HSD17B11: variants seen among roughly 807,000 people sequenced by gnomAD.
The protein encoded by HSD17B11 is estradiol 17-beta-dehydrogenase 11.
A neutral mutation model predicts 27.8 loss-of-function variants in HSD17B11; 22 were observed. The observed-to-expected ratio is 0.79, with a 90% CI of 0.56 to 1.13. The LOEUF (loss-of-function observed/expected upper bound fraction) is 1.13. Among genes scored for constraint, HSD17B11 ranks in the 50% most tolerant of loss-of-function variants. The pLI is 0.00. For missense variants in HSD17B11, 314 were observed against 351.1 expected (o/e 0.89, Z 0.84); for synonymous variants, 117 against 132.8 (o/e 0.88, Z 0.82).
chr4:87,366,263 T>G (rs1204678484), intron 4 of HSD17B11, among the ~76,000 whole-genome samples: 1 of 152,192 alleles, frequency 6.6e-6, no homozygotes, highest in Admixed American at 6.5e-5. Flanking sequence ...AACATTGGAA[T>G]AAAAGCACAA....
At chr4:87,354,546 A>T (rs1735344761) in intron 5 of HSD17B11, among the ~76,000 whole-genome samples, 1 of 151,072 alleles carries the variant, frequency 6.6e-6, no homozygotes. Flanking sequence ...GGGGAGGCTG[A>T]TGTGGGAGAA....
At chr4:87,338,204 G>A (rs1402868256) in intron 6 of HSD17B11, among the ~76,000 whole-genome samples, 5 of 151,852 alleles carry the variant, frequency 3.3e-5, no homozygotes, top group African/African-American at 9.7e-5. Context: ...GCGACAGAGC[G>A]AGACTCCGTC....
rs1560769033 is a variant in HSD17B11 at position 87,378,844 on chromosome 4, AAAT to A, written c.318+3408_318+3410del. Among the ~76,000 whole-genome samples, 166 of 24,824 alleles carry A rather than the reference AAAT, an allele frequency of 6.7e-3. 43 individuals are homozygous for A. Among genetic ancestry groups the A allele is most frequent in the African/African-American group, 0.032 (160 of 4,982 alleles). The allele number at this position is 24,824 out of a possible 152,430, so 16.3% of individuals were successfully genotyped here. The stretch of plus-strand genomic sequence containing the variant: ...AATATATATATAAATATATATATAT[AAAT>A]ATATATATAAATATATATAAATATA... On this transcript the variant is annotated intron_variant, in intron 2 of 6. Transcript: ENST00000358290.
chr4:87,372,884 T>G, intron 3 of HSD17B11, 69 bp from the exon 4 acceptor site: 1 of 949,464 alleles, frequency 1.1e-6, no homozygotes, highest in South Asian at 1.5e-5. Flanking sequence ...TGGGAATATT[T>G]TGAAACAAAA....
chr4:87,340,222 T>C (rs11934060), intron 6 of HSD17B11: 10,132 of 209,994 alleles, frequency 0.048, 1,030 homozygotes, highest in African/African-American at 0.22. Context: ...AAACTATCCT[T>C]CTTCAGAGTC....
At chr4:87,371,940 G>A (rs756932991) in intron 4 of HSD17B11, among the ~76,000 whole-genome samples, 10 of 152,024 alleles carry the variant, frequency 6.6e-5, no homozygotes, top group Non-Finnish European at 8.8e-5. Context: ...CCCTTGTGTG[G>A]TTTCTTAAAA....
At chr4:87,365,930 C>T (rs1449501361) in intron 4 of HSD17B11, 4 of 152,002 alleles carry the variant, frequency 2.6e-5, no homozygotes, top group African/African-American at 9.7e-5. Context: ...GATCTTGACT[C>T]ACCGCAACCT....
intron 6 of HSD17B11, among the ~76,000 whole-genome samples, chr4:87,337,680 C>T (rs1451688477): frequency 6.6e-6 from 1 of 152,098 alleles, no homozygotes; most frequent in Non-Finnish European, 1.5e-5. Flanking sequence ...AGAAACCCGA[C>T]ATTAAAAAGG....
chr4:87,372,769 T>C lies in HSD17B11; in HGVS notation c.497A>G (p.His166Arg). ...AGCTGCCGAAGCCACAGTGACAATA[T>C]GGCCATGGTTATTCTTCGTCATTGC... The part of the protein sequence containing the change: ...LPAMTKNNHG[H>R]IVTVASAAGH... The change falls in exon 4 of 7, where the codon CAT becomes CGT. Residue 166 changes from histidine to arginine, a missense_variant. Transcript: ENST00000358290. 6.2e-7 allele frequency: 1 copy of C among 1,613,982 alleles called. No homozygotes were observed. The highest frequency in any genetic ancestry group is 8.5e-7 in the Non-Finnish European group (1 of 1,179,850).
chr4:87,390,896 GT>G lies in HSD17B11; in HGVS notation c.174del (p.Lys58AsnfsTer11), dbSNP rs778513830. On this transcript the variant is annotated frameshift_variant, in exon 1 of 7. Transcript: ENST00000358290. LOFTEE classifies it high-confidence loss of function. ...IGRLTAYEFA[K>X]LKSKLVLWDI... ...TCCCAGAGAACCAGCTTGCTTTTAA[GT>G]TTAGCAAATTCATAGGCAGTCAGTC... The G allele has an allele frequency of 1.2e-6, 2 of 1,614,154 alleles. No homozygotes were observed. The highest frequency in any genetic ancestry group is 1.7e-6 in the Non-Finnish European group (2 of 1,180,010).
In HSD17B11 at chr4:87,378,843, TAAATATATATATAAATATATATAA is replaced by T. The variant is rs1720004949; in HGVS notation, c.318+3388_318+3411del. On this transcript the variant is annotated intron_variant, in intron 2 of 6. Coordinates refer to ENST00000358290, the MANE Select transcript of HSD17B11 (RefSeq NM_016245.5). The stretch of plus-strand genomic sequence containing the variant: ...AAATATATATATAAATATATATATA[TAAATATATATATAAATATATATAA>T]ATATATATATATAAATATATATATA... Among the ~76,000 whole-genome samples the T allele has an allele frequency of 1.0e-4, 3 of 29,140 alleles. 1 individual carries two copies. Among genetic ancestry groups the T allele is most frequent in the African/African-American group, 4.9e-4 (3 of 6,162 alleles). 19.1% of individuals were successfully genotyped at this position (29,140 alleles called of 152,430 possible).
At position 87,390,848 on chromosome 4, in the gene HSD17B11, T is replaced by A; in HGVS notation, c.210+13A>T. The A allele has an allele frequency of 1.9e-6, 3 of 1,610,688 alleles. No homozygotes were observed. In the South Asian group the frequency reaches 3.3e-5, roughly 18 times the overall value. ...AAAGGTACCAGAAAGTAAAACATAG[T>A]AAACACTGTTACCTTATTTATATCC... On this transcript the variant is annotated intron_variant, in intron 1 of 6. Transcript: ENST00000358290.
At chr4:87,363,763 T>C (rs911885747) in intron 4 of HSD17B11, among the ~76,000 whole-genome samples, 4 of 152,224 alleles carry the variant, frequency 2.6e-5, no homozygotes, top group East Asian at 1.9e-4. Flanking sequence ...TGTAGCTCAG[T>C]AGCTAAGGTT....
chr4:87,354,188 C>T (rs1735337251), intron 5 of HSD17B11, among the ~76,000 whole-genome samples: 1 of 152,130 alleles, frequency 6.6e-6, no homozygotes, highest in Non-Finnish European at 1.5e-5. Context: ...TTCTGTTCTG[C>T]TTCCCTGTGG....
chr4:87,373,666 C>T (rs1013622883), intron 3 of HSD17B11, among the ~76,000 whole-genome samples: 2 of 152,104 alleles, frequency 1.3e-5, no homozygotes, highest in East Asian at 1.9e-4. Flanking sequence ...GCCAAAATCA[C>T]GTCACTGCAC....
rs1735787646 is a variant in HSD17B11 at position 87,374,831 on chromosome 4, C to A, written c.319-1G>T. ...TAACATCTCCAATTTCTGCCTTCAC[C>A]TTCAAAAAATAAAATAAGAAAAGTA... On this transcript the variant is annotated splice_acceptor_variant, in intron 2 of 6. Coordinates refer to ENST00000358290, the MANE Select transcript of HSD17B11 (RefSeq NM_016245.5). LOFTEE classifies it high-confidence loss of function. 1 of 1,559,490 alleles carries A rather than the reference C, an allele frequency of 6.4e-7. No individual in the cohort carries two copies. The highest frequency in any genetic ancestry group is 1.2e-5 in the South Asian group (1 of 84,550).
At chr4:87,363,825 T>A (rs1735568042) in intron 4 of HSD17B11, among the ~76,000 whole-genome samples, 1 of 152,200 alleles carries the variant, frequency 6.6e-6, no homozygotes, top group African/African-American at 2.4e-5. Flanking sequence ...AGGAAATAAG[T>A]CATTACTGAT....
chr4:87,359,833 T>C (rs926936350), intron 4 of HSD17B11, among the ~76,000 whole-genome samples: 2 of 152,206 alleles, frequency 1.3e-5, no homozygotes, highest in African/African-American at 4.8e-5. Flanking sequence ...ACCAGGTTTA[T>C]ATATGATATA....
At chr4:87,361,706 G>A (rs1161545843) in intron 4 of HSD17B11, among the ~76,000 whole-genome samples, 2 of 152,214 alleles carry the variant, frequency 1.3e-5, no homozygotes, top group African/African-American at 4.8e-5. Flanking sequence ...GGCGGAGCTT[G>A]CAGTGAGCTG....
Sources: allele counts gnomAD v4.1 joint callset (sites outside exome capture counted in the v4.1 genomes callset), GRCh38; gene constraint gnomAD v4.1.1; transcripts MANE v1.5; gene names NCBI Gene and HGNC (gene_info 2026-07-23, HGNC 2026-07-21).